CSMD1: variants seen among roughly 807,000 people sequenced by gnomAD.
CSMD1 encodes CUB and Sushi multiple domains 1, also known as CUB and sushi domain-containing protein 1.
Under a neutral mutation model 417.5 loss-of-function variants are expected in CSMD1, and 213 were observed. The observed-to-expected ratio is 0.51, with a 90% CI of 0.46 to 0.57. The LOEUF (loss-of-function observed/expected upper bound fraction) is 0.57. CSMD1 is among the 20% of genes least tolerant of loss of function. The pLI is 0.00. For synonymous variants in CSMD1, 2,862 were observed against 1,736.8 expected, an observed-to-expected ratio of 1.65 and a Z score of -16.11; for missense variants, 6,923 against 4,529.7, an observed-to-expected ratio of 1.53 and a Z score of -15.17.
At chr8:3,535,147 T>A (rs1798142257) in intron 10 of CSMD1, among the ~76,000 whole-genome samples, 1 of 151,554 alleles carries the variant, frequency 6.6e-6, no homozygotes. Flanking sequence ...AGAGACAGGG[T>A]CTCACCATGG....
At chr8:4,894,472 G>T (rs1409670638) in intron 1 of CSMD1, among the ~76,000 whole-genome samples, 7 of 151,108 alleles carry the variant, frequency 4.6e-5, no homozygotes, top group African/African-American at 1.7e-4. Flanking sequence ...AGAATCACTT[G>T]AACCCGGGAG....
intron 10 of CSMD1, among the ~76,000 whole-genome samples, chr8:3,502,323 C>G (rs1376269170): frequency 6.8e-6 from 1 of 148,002 alleles, no homozygotes; most frequent in Non-Finnish European, 1.5e-5. Context: ...TGAGATCGCG[C>G]CACTGCACTG....
At chr8:4,281,912 C>T (rs1297922474) in intron 3 of CSMD1, among the ~76,000 whole-genome samples, 5 of 152,136 alleles carry the variant, frequency 3.3e-5, no homozygotes, top group African/African-American at 4.8e-5. Flanking sequence ...GGTTAAGTGA[C>T]GTTTTGATGA....
chr8:4,215,491 T>A (rs983958216), intron 3 of CSMD1, among the ~76,000 whole-genome samples: 2 of 86,034 alleles, frequency 2.3e-5, no homozygotes, highest in Non-Finnish European at 4.5e-5. Flanking sequence ...GCCGGGGTTT[T>A]ATGAATACAT....
At chr8:4,232,312 T>A (rs931665973) in intron 3 of CSMD1, among the ~76,000 whole-genome samples, 1 of 151,980 alleles carries the variant, frequency 6.6e-6, no homozygotes, top group Non-Finnish European at 1.5e-5. Flanking sequence ...AATTCTCCTG[T>A]CTCAGCCTCC....
At chr8:3,552,327 CTCT>C (rs1554466754) in intron 10 of CSMD1, among the ~76,000 whole-genome samples, 4 of 151,598 alleles carry the variant, frequency 2.6e-5, no homozygotes, top group South Asian at 2.1e-4. Flanking sequence ...TCAGCTTATT[CTCT>C]TTTTTTTTGC....
At chr8:4,235,821 A>C (rs1802013490) in intron 3 of CSMD1, among the ~76,000 whole-genome samples, 4 of 152,154 alleles carry the variant, frequency 2.6e-5, no homozygotes, top group Admixed American at 2.0e-4. Context: ...TAACTTGAGA[A>C]CACTCAGAGG....
At chr8:4,889,734 T>C (rs1803983814) in intron 1 of CSMD1, among the ~76,000 whole-genome samples, 1 of 152,148 alleles carries the variant, frequency 6.6e-6, no homozygotes, top group East Asian at 1.9e-4. Flanking sequence ...AATAGGTCCT[T>C]GGCTATTTTT....
At chr8:3,201,436 G>A (rs894015167) in intron 32 of CSMD1, among the ~76,000 whole-genome samples, 176 bp downstream of exon 32, 1 of 152,086 alleles carries the variant, frequency 6.6e-6, no homozygotes, top group South Asian at 2.1e-4. Flanking sequence ...TTATGTGTGA[G>A]ATAAAAACAC....
chr8:3,257,763 G>T lies in CSMD1; in HGVS notation c.4153+26381C>A, dbSNP rs145469966. ...ATTTCTGGGGCTGGAGCTGAGAAGGGGGTGGATGATGAGGCTTCCAAGGGA... is the reference window on the plus strand; with the variant it reads ...ATTTCTGGGGCTGGAGCTGAGAAGGTGGTGGATGATGAGGCTTCCAAGGGA... On this transcript the variant is annotated intron_variant, in intron 26 of 69. Transcript: ENST00000635120. 9.5e-3 allele frequency among the ~76,000 whole-genome samples: 1,451 copies of T among 152,258 alleles called. 69 individuals are homozygous for T. Among genetic ancestry groups the T allele is most frequent in the Admixed American group, 0.076 (1,167 of 15,286 alleles).
At chr8:3,326,826 A>G (rs1806561009) in intron 23 of CSMD1, among the ~76,000 whole-genome samples, 4 of 152,194 alleles carry the variant, frequency 2.6e-5, no homozygotes, top group Admixed American at 2.0e-4. Flanking sequence ...GCAGAAGTGT[A>G]AAAATGCCTT....
intron 5 of CSMD1, among the ~76,000 whole-genome samples, chr8:3,932,969 C>A (rs2688268): frequency 2.0e-5 from 3 of 148,308 alleles, no homozygotes; most frequent in African/African-American, 7.5e-5. Flanking sequence ...AAATTTTTTG[C>A]TTTCTAATAT....
chr8:3,948,409 G>A (rs147975580), intron 5 of CSMD1, among the ~76,000 whole-genome samples: 2 of 152,086 alleles, frequency 1.3e-5, no homozygotes, highest in Non-Finnish European at 2.9e-5. Flanking sequence ...GGGAGAACAA[G>A]AAAAATAGGG....
intron 3 of CSMD1, among the ~76,000 whole-genome samples, chr8:4,313,969 G>A (rs1378473608): frequency 6.6e-6 from 1 of 150,866 alleles, no homozygotes; most frequent in African/African-American, 2.5e-5. Context: ...AGCCGAGACT[G>A]CGCCCCTGCA....
At chr8:3,910,915 A>G (rs1194479446) in intron 5 of CSMD1, among the ~76,000 whole-genome samples, 1 of 152,210 alleles carries the variant, frequency 6.6e-6, no homozygotes, top group African/African-American at 2.4e-5. Context: ...CAGTATCTAC[A>G]CAGAACTGTT....
intron 7 of CSMD1, among the ~76,000 whole-genome samples, chr8:3,641,505 T>C (rs1439452753): frequency 6.6e-6 from 1 of 152,202 alleles, no homozygotes; most frequent in Non-Finnish European, 1.5e-5. Context: ...TATAACTCGG[T>C]CTCTTGGGCA....
intron 26 of CSMD1, among the ~76,000 whole-genome samples, chr8:3,259,161 CATTCTT>C (rs1800873460): frequency 6.6e-6 from 1 of 152,322 alleles, no homozygotes; most frequent in African/African-American, 2.4e-5. Context: ...GAGCTGAAAA[CATTCTT>C]ATTAGTATGG....
At chr8:3,849,225 G>A (rs1803712506) in intron 5 of CSMD1, among the ~76,000 whole-genome samples, 2 of 152,214 alleles carry the variant, frequency 1.3e-5, no homozygotes, top group Non-Finnish European at 1.5e-5. Context: ...GAAAATGATG[G>A]AAAAGAGGAA....
rs75377185 is a variant in CSMD1 at position 4,538,579 on chromosome 8, G to A, written c.302+98763C>T. Among the ~76,000 whole-genome samples the A allele has an allele frequency of 1.5e-3, 231 of 151,996 alleles. 4 individuals carry two copies. Among genetic ancestry groups the A allele is most frequent in the African/African-American group, 5.2e-3 (217 of 41,426 alleles). On this transcript the variant is annotated intron_variant, in intron 2 of 69. Transcript: ENST00000635120. ...AATCGCTTGAACCCAGGAGTTGGAC[G>A]TTGCAGTGAGCCGAGATCGCACCAC...
Sources: gnomAD v4.1 joint callset for allele counts (sites outside exome capture counted in the v4.1 genomes callset) on GRCh38, gnomAD v4.1.1 for gene constraint, MANE v1.5 for transcripts, NCBI Gene and HGNC (gene_info 2026-07-23, HGNC 2026-07-21) for gene names.